DGKG: variants seen among roughly 807,000 people sequenced by gnomAD.
DGKG encodes the protein diacylglycerol kinase gamma.
A neutral mutation model predicts 105.3 loss-of-function variants in DGKG; 78 were observed. The observed-to-expected ratio is 0.74, with a 90% confidence interval of 0.62 to 0.89. The LOEUF (loss-of-function observed/expected upper bound fraction) is 0.89. DGKG is among the 40% of genes least tolerant of loss of function. The probability of loss-of-function intolerance (pLI) is 0.00; values close to 1 mark genes in which losing one functional copy is unlikely to be tolerated. For missense variants in DGKG, 958 were observed against 1,020.1 expected (o/e 0.94, Z 0.83); for synonymous variants, 346 against 367.1 (o/e 0.94, Z 0.66).
intron 2 of DGKG, among the ~76,000 whole-genome samples, chr3:186,308,934 A>T (rs1178327116): frequency 2.0e-5 from 3 of 152,362 alleles, no homozygotes; most frequent in Middle Eastern, 3.4e-3. Flanking sequence ...CAGTTTACAG[A>T]TGAAGAAGCT....
At chr3:186,232,896 C>CT (rs1720223021) in intron 20 of DGKG, among the ~76,000 whole-genome samples, 1 of 152,140 alleles carries the variant, frequency 6.6e-6, no homozygotes, top group South Asian at 2.1e-4. Flanking sequence ...TGGTTATTAT[C>CT]TGATGTAGGA....
chr3:186,181,504 G>T (rs1353917698), intron 22 of DGKG, among the ~76,000 whole-genome samples: 1 of 152,200 alleles, frequency 6.6e-6, no homozygotes, highest in East Asian at 1.9e-4. Context: ...AGGCCGAGGT[G>T]GGCGAATCAC....
At chr3:186,272,407 C>T (rs930509612) in intron 10 of DGKG, 64 bp from the exon 11 acceptor site, 2 of 1,208,318 alleles carry the variant, frequency 1.7e-6, no homozygotes, top group African/African-American at 1.5e-5. Flanking sequence ...CCCAGCTGCC[C>T]TCCCACCCTA....
At chr3:186,240,678 T>C (rs937580192) in intron 20 of DGKG, among the ~76,000 whole-genome samples, 1 of 151,868 alleles carries the variant, frequency 6.6e-6, no homozygotes, top group African/African-American at 2.4e-5. Context: ...GGTGTGGTAG[T>C]GGGTGCCTGT....
chr3:186,237,375 T>A (rs1282942198), intron 20 of DGKG, among the ~76,000 whole-genome samples: 1 of 152,180 alleles, frequency 6.6e-6, no homozygotes, highest in Non-Finnish European at 1.5e-5. Context: ...AATTTTGCAC[T>A]GGGTCACACA....
intron 22 of DGKG, 38 bp downstream of exon 22, chr3:186,188,164 G>C: frequency 6.2e-7 from 1 of 1,610,062 alleles, no homozygotes; most frequent in Middle Eastern, 1.7e-4. Context: ...CTACTACTGG[G>C]CATTGACCTA....
intron 20 of DGKG, among the ~76,000 whole-genome samples, chr3:186,228,444 A>G (rs749102979): frequency 1.3e-5 from 2 of 152,214 alleles, no homozygotes; most frequent in Non-Finnish European, 2.9e-5. Context: ...AAATACTTTG[A>G]AAGGTAAGCC....
chr3:186,251,320 A>C (rs1214296884), intron 19 of DGKG, among the ~76,000 whole-genome samples: 2 of 152,018 alleles, frequency 1.3e-5, no homozygotes, highest in Non-Finnish European at 2.9e-5. Flanking sequence ...GAGAGAAGGA[A>C]ATCTGAGGGC....
Position 186,284,589 on chromosome 3 carries a change from C to A in DGKG, c.594+71G>T. 1 of 1,317,180 alleles carries A rather than the reference C, an allele frequency of 7.6e-7. No homozygotes were observed. Among genetic ancestry groups the A allele is most frequent in the African/African-American group, 1.4e-5 (1 of 68,970 alleles). The allele number at this position is 1,317,180 out of a possible 1,614,324, so 81.6% of individuals were successfully genotyped here. A position where few individuals can be genotyped will look rare whatever the true frequency, so the allele number is the denominator to read the frequency against. On this transcript the variant is annotated intron_variant, in intron 7 of 24. Transcript: ENST00000265022. This position sits in a 1 kb window ranked among gnomAD's most constrained non-coding sequence, Gnocchi z 4.0. ...AGACGGAACTGAACATTTTCAGATTCTTCCTCTGCTTGCTCCCTGCTCCCC... is the reference window on the plus strand; with the variant it reads ...AGACGGAACTGAACATTTTCAGATTATTCCTCTGCTTGCTCCCTGCTCCCC...
intron 9 of DGKG, 140 bp downstream of exon 9, chr3:186,279,711 A>T: frequency 1.2e-6 from 1 of 843,088 alleles, no homozygotes; most frequent in Non-Finnish European, 1.8e-6. Context: ...AAATAATGTA[A>T]ATAGAGAGGA....
chr3:186,341,930 A>T (rs528309067), intron 1 of DGKG, among the ~76,000 whole-genome samples: 2 of 152,098 alleles, frequency 1.3e-5, no homozygotes, highest in Non-Finnish European at 2.9e-5. Flanking sequence ...AAAACCAAAC[A>T]CCCCATATTC....
In DGKG at chr3:186,147,435, T is replaced by A. The variant is rs910516201; in HGVS notation, c.*2655A>T. The stretch of plus-strand genomic sequence containing the variant: ...TCAGAGGTTGCTATGAGGGTCACTA[T>A]GATGAGGGACTCCACCACAAGAAAC... On this transcript the variant is annotated 3_prime_UTR_variant, in exon 25 of 25. Transcript: ENST00000265022. The A allele has an allele frequency of 7.1e-6, 7 of 984,878 alleles. No individual in the cohort carries two copies. Among genetic ancestry groups the A allele is most frequent in the Non-Finnish European group, 8.4e-6 (7 of 829,292 alleles). 61.0% of individuals were successfully genotyped at this position (984,878 alleles called of 1,614,324 possible).
At chr3:186,255,873 C>A (rs568528743) in intron 17 of DGKG, among the ~76,000 whole-genome samples, 1 of 152,170 alleles carries the variant, frequency 6.6e-6, no homozygotes, top group African/African-American at 2.4e-5. Context: ...GAATATCTTA[C>A]GCAGTTATCC....
chr3:186,180,734 C>T (rs1307825829), intron 22 of DGKG, among the ~76,000 whole-genome samples: 1 of 152,198 alleles, frequency 6.6e-6, no homozygotes, highest in African/African-American at 2.4e-5. Context: ...ACAGTGAACT[C>T]GTGCTCACAA....
intron 1 of DGKG, among the ~76,000 whole-genome samples, chr3:186,359,947 A>G (rs1045959834): frequency 1.3e-5 from 2 of 152,208 alleles, no homozygotes; most frequent in African/African-American, 4.8e-5. Context: ...AAGTTTTACC[A>G]CAAAGAAAAG....
intron 11 of DGKG, among the ~76,000 whole-genome samples, chr3:186,271,614 C>T (rs1374999301): frequency 6.6e-6 from 1 of 152,222 alleles, no homozygotes; most frequent in Non-Finnish European, 1.5e-5. Flanking sequence ...TGAAGCTCTT[C>T]AGTGGCCCCC....
intron 1 of DGKG, among the ~76,000 whole-genome samples, chr3:186,330,037 T>A (rs1420788760): frequency 6.6e-6 from 1 of 152,200 alleles, no homozygotes; most frequent in African/African-American, 2.4e-5. Flanking sequence ...ATCATTTTCA[T>A]GGAGTCAAAG....
At chr3:186,152,584 G>A (rs1039688742) in intron 24 of DGKG, among the ~76,000 whole-genome samples, 3 of 152,196 alleles carry the variant, frequency 2.0e-5, no homozygotes, top group Non-Finnish European at 4.4e-5. Context: ...TAAGCCCTAC[G>A]TGCTGGCAGT....
At chr3:186,221,745 C>G (rs1304416331) in intron 20 of DGKG, among the ~76,000 whole-genome samples, 1 of 152,174 alleles carries the variant, frequency 6.6e-6, no homozygotes, top group African/African-American at 2.4e-5. Flanking sequence ...CCTGCTGGAG[C>G]TGAGCCTCTC....
Sources: gnomAD v4.1 joint callset for allele counts (sites outside exome capture counted in the v4.1 genomes callset) on GRCh38, gnomAD v4.1.1 for gene constraint, Gnocchi (gnomAD v3.1) non-coding constraint, MANE v1.5 for transcripts, NCBI Gene and HGNC (gene_info 2026-07-23, HGNC 2026-07-21) for gene names.